KCNH8: variants seen among roughly 807,000 people sequenced by gnomAD.
KCNH8 encodes potassium voltage-gated channel subfamily H member 8, also known as voltage-gated delayed rectifier potassium channel KCNH8.
Under a neutral mutation model 103.6 loss-of-function variants are expected in KCNH8, and 70 were observed. That is an observed-to-expected ratio of 0.68 (90% confidence interval 0.56 to 0.82). The LOEUF is 0.82. Among genes scored for constraint, KCNH8 ranks in the 40% least tolerant of loss-of-function variants. KCNH8 has a pLI of 0.00. For synonymous variants in KCNH8, 498 were observed against 489.4 expected (o/e 1.02, Z -0.23); for missense variants, 1,217 against 1,329.9 (o/e 0.92, Z 1.32).
intron 7 of KCNH8, among the ~76,000 whole-genome samples, chr3:19,397,290 G>A (rs551998220): frequency 1.3e-5 from 2 of 151,874 alleles, no homozygotes; most frequent in South Asian, 4.2e-4. Flanking sequence ...AGAGCACTGG[G>A]CTGGGGGCAA....
intron 8 of KCNH8, among the ~76,000 whole-genome samples, chr3:19,445,944 C>T (rs764535057): frequency 3.2e-4 from 48 of 152,016 alleles, no homozygotes; most frequent in Admixed American, 8.5e-4. Flanking sequence ...TCAAGGAGTT[C>T]ACAGTTTAAT....
At chr3:19,206,168 G>GTGTGTATATATATATATATATATATATA (rs979868166) in intron 1 of KCNH8, among the ~76,000 whole-genome samples, 42 of 139,224 alleles carry the variant, frequency 3.0e-4, no homozygotes, top group African/African-American at 1.1e-3. Flanking sequence ...TGGTGTGTGT[G>GTGTGTATATATATATATATATATATATA]TATATATATA....
intron 15 of KCNH8, among the ~76,000 whole-genome samples, chr3:19,523,226 GGTCA>G (rs1405679028): frequency 6.6e-6 from 1 of 151,720 alleles, no homozygotes; most frequent in African/African-American, 2.4e-5. Context: ...TTGGATAATA[GGTCA>G]GTCATGTCCT....
chr3:19,301,478 T>C (rs1431121778), intron 3 of KCNH8, among the ~76,000 whole-genome samples: 1 of 151,910 alleles, frequency 6.6e-6, no homozygotes, highest in Non-Finnish European at 1.5e-5. Flanking sequence ...CCATCATTAA[T>C]AGGCTTATTT....
At chr3:19,487,143 C>T (rs2068227813) in intron 11 of KCNH8, among the ~76,000 whole-genome samples, 1 of 152,154 alleles carries the variant, frequency 6.6e-6, no homozygotes, top group Admixed American at 6.5e-5. Flanking sequence ...TTCTTGAACC[C>T]TTGGGGAAGC....
At chr3:19,407,771 C>T (rs1016025420) in intron 7 of KCNH8, among the ~76,000 whole-genome samples, 19 of 152,184 alleles carry the variant, frequency 1.2e-4, no homozygotes, top group African/African-American at 4.3e-4. Context: ...GGTGCTGTCT[C>T]TGCCCCATGC....
At chr3:19,371,428 A>C (rs2066093510) in intron 5 of KCNH8, among the ~76,000 whole-genome samples, 1 of 150,386 alleles carries the variant, frequency 6.6e-6, no homozygotes, top group African/African-American at 2.4e-5. Context: ...GTGTCTGTTC[A>C]TGTCCTTCGC....
rs532389213 is a variant in KCNH8 at position 19,450,572 on chromosome 3, C to A, written c.1575+267C>A. ...TATTTTCCTTCTTATTGTCTCTTTT[C>A]AAAGGAATCAATTCTTACGATAATT... On this transcript the variant is annotated intron_variant, in intron 9 of 15. Coordinates refer to ENST00000328405, the MANE Select transcript of KCNH8 (RefSeq NM_144633.3). The A allele has an allele frequency of 7.7e-5, 34 of 443,234 alleles. 1 individual carries two copies. Among genetic ancestry groups the A allele is most frequent in the Admixed American group, 4.9e-4 (13 of 26,726 alleles). The allele number at this position is 443,234 out of a possible 1,614,324, so 27.5% of individuals were successfully genotyped here.
intron 1 of KCNH8, among the ~76,000 whole-genome samples, chr3:19,239,673 TCTATCTATCTAC>T (rs1377115839): frequency 6.6e-5 from 10 of 150,488 alleles, no homozygotes; most frequent in Admixed American, 2.0e-4. Flanking sequence ...TATCTATCTA[TCTATCTATCTAC>T]CTACCTACCT....
chr3:19,475,477 A>C (rs2067954142), intron 11 of KCNH8, among the ~76,000 whole-genome samples: 1 of 152,172 alleles, frequency 6.6e-6, no homozygotes, highest in Non-Finnish European at 1.5e-5. Flanking sequence ...TCCAAATAGT[A>C]CAATTTCAGG....
chr3:19,355,786 G>A (rs2065873744), intron 5 of KCNH8, among the ~76,000 whole-genome samples: 3 of 151,976 alleles, frequency 2.0e-5, no homozygotes, highest in Admixed American at 6.6e-5. Context: ...TAATGTAAAT[G>A]ATGAGTTAAT....
intron 5 of KCNH8, among the ~76,000 whole-genome samples, chr3:19,361,406 C>A (rs920309879): frequency 6.6e-6 from 1 of 152,128 alleles, no homozygotes; most frequent in Non-Finnish European, 1.5e-5. Flanking sequence ...TTGCCCACTA[C>A]ACACCAGTAA....
intron 3 of KCNH8, among the ~76,000 whole-genome samples, chr3:19,329,439 G>T (rs1264030155): frequency 1.3e-5 from 2 of 152,114 alleles, no homozygotes; most frequent in Non-Finnish European, 2.9e-5. Flanking sequence ...GGAACAATAA[G>T]AACAATAGGT....
chr3:19,172,837 C>A (rs2063361157), intron 1 of KCNH8, among the ~76,000 whole-genome samples: 1 of 152,132 alleles, frequency 6.6e-6, no homozygotes, highest in Admixed American at 6.5e-5. Flanking sequence ...CCCTTCCCCC[C>A]ACCAGTCTTC....
At chr3:19,471,481 A>T (rs1018373276) in intron 11 of KCNH8, among the ~76,000 whole-genome samples, 3 of 152,204 alleles carry the variant, frequency 2.0e-5, no homozygotes, top group Admixed American at 2.0e-4. Context: ...TGGGTTAACA[A>T]AGCCACACAC....
intron 2 of KCNH8, among the ~76,000 whole-genome samples, chr3:19,277,710 T>C (rs183483682): frequency 6.6e-6 from 1 of 152,278 alleles, no homozygotes; most frequent in East Asian, 1.9e-4. Context: ...CCACCAGATT[T>C]AAGCTTTTGT....
intron 1 of KCNH8, among the ~76,000 whole-genome samples, chr3:19,237,293 C>T (rs2064078744): frequency 6.6e-6 from 1 of 152,152 alleles, no homozygotes; most frequent in Non-Finnish European, 1.5e-5. Context: ...TAGACAAAGG[C>T]ATCTTTCCTC....
rs138880409 is a variant in KCNH8, at chr3:19,303,944, A to G, written c.442+22615A>G. 4.8e-3 allele frequency among the ~76,000 whole-genome samples: 726 copies of G among 152,244 alleles called. 7 individuals carry two copies. Among genetic ancestry groups the G allele is most frequent in the African/African-American group, 0.016 (672 of 41,556 alleles). On this transcript the variant is annotated intron_variant, in intron 3 of 15. Coordinates refer to ENST00000328405, the MANE Select transcript of KCNH8 (RefSeq NM_144633.3). ...ATACAGGGGGACCACAGACTATCCA[A>G]TGCATCACTTTTTTGCAGAAAGGTT...
intron 11 of KCNH8, among the ~76,000 whole-genome samples, chr3:19,457,605 T>C (rs1400892433): frequency 6.6e-6 from 1 of 152,014 alleles, no homozygotes; most frequent in Non-Finnish European, 1.5e-5. Flanking sequence ...CATGACTTCA[T>C]TAGATGTCTC....
Sources: allele counts gnomAD v4.1 joint callset (sites outside exome capture counted in the v4.1 genomes callset), GRCh38; gene constraint gnomAD v4.1.1; transcripts MANE v1.5; gene names NCBI Gene and HGNC (gene_info 2026-07-23, HGNC 2026-07-21).